Variants in GALNT9 observed in about 807,000 individuals in gnomAD.
GALNT9 encodes GalNAc transferase 9.
GALNT9 carries 47 observed loss-of-function variants against 63.1 expected under a neutral mutation model. The ratio of observed to expected loss-of-function variants is 0.75; its 90% confidence interval spans 0.59 to 0.95. The LOEUF (loss-of-function observed/expected upper bound fraction) is 0.95, where lower values mean the gene tolerates loss of function less well. GALNT9 is among the 40% of genes least tolerant of loss of function. The probability of loss-of-function intolerance (pLI) is 0.00; values close to 1 mark genes in which losing one functional copy is unlikely to be tolerated. For missense variants in GALNT9, 829 were observed against 874.8 expected, an observed-to-expected ratio of 0.95 and a Z score of 0.66; for synonymous variants, 396 against 365.7, an observed-to-expected ratio of 1.08 and a Z score of -0.94.
chr12:132,302,969 G>A (rs534262721), intron 1 of GALNT9, among the ~76,000 whole-genome samples: 191 of 150,944 alleles, frequency 1.3e-3, no homozygotes, highest in African/African-American at 4.4e-3. Context: ...GACCGTCTAA[G>A]GGGGGCGAGG....
intron 6 of GALNT9, among the ~76,000 whole-genome samples, chr12:132,229,401 T>C (rs1877813938): frequency 6.6e-6 from 1 of 152,214 alleles, no homozygotes; most frequent in South Asian, 2.1e-4. Context: ...GTTCAGCCAA[T>C]GAATAACTCG....
intron 1 of GALNT9, among the ~76,000 whole-genome samples, chr12:132,313,206 C>T (rs1389695787): frequency 2.2e-5 from 3 of 135,822 alleles, no homozygotes; most frequent in Non-Finnish European, 3.2e-5. Context: ...TCTGTACATC[C>T]ATCCATCCAC....
At chr12:132,304,358 C>T (rs1435154188) in intron 1 of GALNT9, among the ~76,000 whole-genome samples, 3 of 101,714 alleles carry the variant, frequency 2.9e-5, no homozygotes, top group African/African-American at 9.0e-5. Flanking sequence ...CACCCTCACC[C>T]GGGCACAGCC....
chr12:132,217,743 CATCCACTCATCCATCT>C (rs1455095969), intron 6 of GALNT9, among the ~76,000 whole-genome samples: 1 of 151,654 alleles, frequency 6.6e-6, no homozygotes. Context: ...TCCATCCATC[CATCCACTCATCCATCT>C]ATCCACCCAT....
intron 1 of GALNT9, among the ~76,000 whole-genome samples, chr12:132,304,543 A>C (rs1276888890): frequency 6.8e-4 from 6 of 8,874 alleles, no homozygotes; most frequent in Non-Finnish European, 9.3e-4. Context: ...CCGGGCACAG[A>C]ATCGCCCAGA....
chr12:132,294,361 A>G (rs911594125), intron 1 of GALNT9, among the ~76,000 whole-genome samples: 8 of 152,216 alleles, frequency 5.3e-5, no homozygotes, highest in African/African-American at 1.9e-4. Context: ...GCAGCCTGAG[A>G]ACAGTGCTTC....
intron 2 of GALNT9, among the ~76,000 whole-genome samples, chr12:132,285,725 A>G (rs1439474199): frequency 6.6e-6 from 1 of 152,262 alleles, no homozygotes; most frequent in Non-Finnish European, 1.5e-5. Context: ...GCCTCAGCCC[A>G]GCTTCCGTGA....
chr12:132,207,208 G>A (rs1315948941), intron 6 of GALNT9, among the ~76,000 whole-genome samples: 6 of 152,164 alleles, frequency 3.9e-5, no homozygotes, highest in Admixed American at 2.0e-4. Flanking sequence ...GTATGGCGCC[G>A]CCTGCTATCC....
At chr12:132,214,317 G>A (rs978370582) in intron 6 of GALNT9, among the ~76,000 whole-genome samples, 2 of 152,218 alleles carry the variant, frequency 1.3e-5, no homozygotes, top group East Asian at 1.9e-4. Flanking sequence ...GAGCAGGAGC[G>A]GAGCCCGTGT....
chr12:132,204,596 C>T (rs990336028), intron 6 of GALNT9, among the ~76,000 whole-genome samples: 4 of 152,160 alleles, frequency 2.6e-5, no homozygotes, highest in East Asian at 1.9e-4. Flanking sequence ...TGCCAGCCGA[C>T]GGCCAATCTC....
intron 7 of GALNT9, among the ~76,000 whole-genome samples, chr12:132,201,526 G>A (rs115706419): frequency 6.6e-5 from 10 of 152,168 alleles, no homozygotes; most frequent in East Asian, 3.9e-4. Context: ...CAGCCGGCTC[G>A]TCCACACCCA....
chr12:132,243,637 G>T (rs1228676713), intron 6 of GALNT9, among the ~76,000 whole-genome samples: 1 of 152,102 alleles, frequency 6.6e-6, no homozygotes, highest in African/African-American at 2.4e-5. Context: ...AACTGCTTCT[G>T]CATAGCCCCC....
intron 7 of GALNT9, among the ~76,000 whole-genome samples, chr12:132,201,785 T>C (rs1434954618): frequency 6.6e-6 from 1 of 152,224 alleles, no homozygotes; most frequent in Admixed American, 6.5e-5. Context: ...AGCTTGTACC[T>C]GGCCTTTCCT....
chr12:132,261,196 AT>A, intron 3 of GALNT9, 74 bp from the exon 4 acceptor site: 3 of 1,533,908 alleles, frequency 2.0e-6, no homozygotes, highest in East Asian at 2.5e-5. Context: ...AAGGCTGGAA[AT>A]GCTGCGTGCC....
chr12:132,275,486 T>C (rs1880047009), intron 2 of GALNT9: 2 of 152,266 alleles, frequency 1.3e-5, no homozygotes, highest in Admixed American at 6.5e-5. Context: ...GGCAAGACGC[T>C]GGCCCGATGA....
chr12:132,239,676 A>T (rs1555236721), intron 6 of GALNT9, among the ~76,000 whole-genome samples: 1 of 151,946 alleles, frequency 6.6e-6, no homozygotes, highest in South Asian at 2.1e-4. Context: ...AGACAGAGAG[A>T]CAAAGAGACA....
chr12:132,276,446 C>G (rs534600556), intron 2 of GALNT9: 2 of 155,288 alleles, frequency 1.3e-5, no homozygotes, highest in East Asian at 3.9e-4. Flanking sequence ...AGACCCGAGA[C>G]GCAGAAGGCT....
In GALNT9 at chr12:132,196,911, TAGG is replaced by T; in HGVS notation, c.*193_*195del. 1.4e-6 allele frequency: 2 copies of T among 1,419,212 alleles called. No individual in the cohort carries two copies. Among genetic ancestry groups the T allele is most frequent in the Non-Finnish European group, 1.8e-6 (2 of 1,089,270 alleles). The allele number at this position is 1,419,212 out of a possible 1,614,324, so 87.9% of individuals were successfully genotyped here. ...CTCCCTCGGGTAGAGCCGCCTGTCC[TAGG>T]AGAAGCTGTACTCCAGATGCAGTGG... On this transcript the variant is annotated 3_prime_UTR_variant, in exon 11 of 11. Coordinates refer to ENST00000328957, the MANE Select transcript of GALNT9 (RefSeq NM_001122636.2).
chr12:132,246,584 G>C lies in GALNT9; in HGVS notation c.1077+1326C>G, dbSNP rs1878714131. 1.3e-5 allele frequency among the ~76,000 whole-genome samples: 2 copies of C among 152,200 alleles called. No homozygotes were observed. Among genetic ancestry groups the C allele is most frequent in the Non-Finnish European group, 1.5e-5 (1 of 68,040 alleles). On this transcript the variant is annotated intron_variant, in intron 6 of 10. Coordinates refer to ENST00000328957, the MANE Select transcript of GALNT9 (RefSeq NM_001122636.2). The surrounding 1 kb of genome is among the most constrained non-coding windows in gnomAD (Gnocchi z 4.7). Reference sequence around the variant, plus strand: ...GTCTCACTCTGTCACCCAGGCTGGAGTGCAGTGATGCGATCTCAGCTCACT... The same window carrying C: ...GTCTCACTCTGTCACCCAGGCTGGACTGCAGTGATGCGATCTCAGCTCACT...
Sources: gnomAD v4.1 joint callset for allele counts (sites outside exome capture counted in the v4.1 genomes callset) on GRCh38, gnomAD v4.1.1 for gene constraint, Gnocchi (gnomAD v3.1) non-coding constraint, MANE v1.5 for transcripts, NCBI Gene and HGNC (gene_info 2026-07-23, HGNC 2026-07-21) for gene names.